Variants in EPHA3 observed in about 807,000 individuals in gnomAD.
EPHA3 encodes the protein EPH receptor A3.
Under a neutral mutation model 107.1 loss-of-function variants are expected in EPHA3, and 42 were observed. The observed-to-expected ratio is 0.39, with a 90% CI of 0.31 to 0.51. EPHA3 has a LOEUF of 0.51. Among genes scored for constraint, EPHA3 ranks in the 20% least tolerant of loss-of-function variants. EPHA3 has a pLI of 0.78. For synonymous variants in EPHA3, 461 were observed against 424.8 expected (o/e 1.09, Z -1.05); for missense variants, 1,183 against 1,211.2 (o/e 0.98, Z 0.35).
At chr3:89,345,001 T>A (rs1707610076) in intron 5 of EPHA3, among the ~76,000 whole-genome samples, 1 of 151,296 alleles carries the variant, frequency 6.6e-6, no homozygotes, top group East Asian at 1.9e-4. Context: ...AAAACAAAAA[T>A]CTTCAAACTT....
chr3:89,209,928 G>A lies in EPHA3; in HGVS notation c.222G>A (p.Met74Ile). 2 of 1,613,790 alleles carry A rather than the reference G, an allele frequency of 1.2e-6. No homozygotes were observed. Among genetic ancestry groups the A allele is most frequent in the Non-Finnish European group, 1.7e-6 (2 of 1,179,890 alleles). The change falls in exon 3 of 17, where the codon ATG (methionine) becomes ATA (isoleucine). Residue 74 changes from methionine (M) to isoleucine (I), a missense_variant. Met to Ile is a conservative substitution (Grantham distance 10, BLOSUM62 1). Coordinates refer to ENST00000336596, the MANE Select transcript of EPHA3 (RefSeq NM_005233.6). ...GGACTTACCAGGTGTGCAATGTCAT[G>A]GACCACAGTCAAAACAATTGGCTGA... ...PIRTYQVCNV[M>I]DHSQNNWLRT...
chr3:89,291,665 T>C (rs1050571065), intron 3 of EPHA3, among the ~76,000 whole-genome samples: 1 of 152,118 alleles, frequency 6.6e-6, no homozygotes, highest in African/African-American at 2.4e-5. Flanking sequence ...AGACTTACTA[T>C]TAAATTGCTA....
At position 89,157,096 on chromosome 3, in the gene EPHA3, G is replaced by T. The variant is rs1218915031; in HGVS notation, c.153+29823G>T. ...AAACTTTCACTGACAGTTCTGGTTTGCAGATATATAAGAATGAAATTGTGA... is the reference window on the plus strand; with the variant it reads ...AAACTTTCACTGACAGTTCTGGTTTTCAGATATATAAGAATGAAATTGTGA... On this transcript the variant is annotated intron_variant, in intron 2 of 16. Coordinates refer to ENST00000336596, the MANE Select transcript of EPHA3 (RefSeq NM_005233.6). Among the ~76,000 whole-genome samples the T allele has an allele frequency of 1.2e-4, 19 of 152,062 alleles. 1 individual carries two copies. The highest frequency in any genetic ancestry group is 4.3e-4 in the African/African-American group (18 of 41,498).
intron 3 of EPHA3, among the ~76,000 whole-genome samples, chr3:89,234,296 C>T (rs1704700844): frequency 6.6e-6 from 1 of 152,142 alleles, no homozygotes; most frequent in African/African-American, 2.4e-5. Context: ...TTTACTGGAA[C>T]CAAACATTCT....
intron 11 of EPHA3, among the ~76,000 whole-genome samples, chr3:89,424,477 C>T (rs1173512142): frequency 6.6e-6 from 1 of 151,122 alleles, no homozygotes; most frequent in Admixed American, 6.6e-5. Context: ...AAACAAAAAG[C>T]CTGTTGTTAT....
At chr3:89,315,355 C>CTA (rs147149147) in intron 3 of EPHA3, among the ~76,000 whole-genome samples, 5,347 of 151,730 alleles carry the variant, frequency 0.035, 328 homozygotes, top group African/African-American at 0.12. Flanking sequence ...TCTGAATCAA[C>CTA]TATAGTATGT....
chr3:89,440,457 A>T (rs371726899), intron 13 of EPHA3, among the ~76,000 whole-genome samples: 1 of 152,178 alleles, frequency 6.6e-6, no homozygotes, highest in East Asian at 1.9e-4. Context: ...CAGCTATGTG[A>T]TATTATGCCT....
At chr3:89,439,052 G>A (rs1709729666) in intron 13 of EPHA3, among the ~76,000 whole-genome samples, 1 of 152,220 alleles carries the variant, frequency 6.6e-6, no homozygotes, top group African/African-American at 2.4e-5. Context: ...AATGCAGGCA[G>A]TCTGTAGAGA....
At chr3:89,316,508 ATAT>A (rs1559644334) in intron 3 of EPHA3, among the ~76,000 whole-genome samples, 1,036 of 62,698 alleles carry the variant, frequency 0.017, 4 homozygotes, top group African/African-American at 0.05. Flanking sequence ...TGTGTGTAAT[ATAT>A]ATATATATAT....
At chr3:89,161,591 C>T (rs548836739) in intron 2 of EPHA3, among the ~76,000 whole-genome samples, 6 of 152,000 alleles carry the variant, frequency 3.9e-5, no homozygotes, top group East Asian at 1.9e-4. Context: ...TTTTTACTGA[C>T]GGGCAGTCAT....
chr3:89,367,064 C>T (rs540223120), intron 5 of EPHA3, among the ~76,000 whole-genome samples: 9 of 150,548 alleles, frequency 6.0e-5, no homozygotes, highest in South Asian at 2.1e-4. Flanking sequence ...TCTGCAGTTG[C>T]GTTTCCACCT....
At chr3:89,185,744 G>A (rs1478563359) in intron 2 of EPHA3, among the ~76,000 whole-genome samples, 1 of 151,878 alleles carries the variant, frequency 6.6e-6, no homozygotes, top group Non-Finnish European at 1.5e-5. Context: ...GAGCCTTCTT[G>A]GTTCACATAT....
Position 89,107,662 on chromosome 3 carries a change from C to A in EPHA3, c.-87C>A. Reference sequence around the variant, plus strand: ...TCAGCCTGCGAGCGGAGCATGGTAACTTCTCCAGCAATCAGAGCGCTCCCC... The same window carrying A: ...TCAGCCTGCGAGCGGAGCATGGTAAATTCTCCAGCAATCAGAGCGCTCCCC... On this transcript the variant is annotated 5_prime_UTR_variant, in exon 1 of 17. Transcript: ENST00000336596. The A allele has an allele frequency of 8.0e-7, 1 of 1,253,734 alleles. No individual in the cohort carries two copies. The allele number at this position is 1,253,734 out of a possible 1,614,324, so 77.7% of individuals were successfully genotyped here.
At chr3:89,246,244 G>C (rs1036182426) in intron 3 of EPHA3, among the ~76,000 whole-genome samples, 1 of 152,080 alleles carries the variant, frequency 6.6e-6, no homozygotes, top group Admixed American at 6.6e-5. Context: ...ATGGAAACTT[G>C]AAGTTTATAT....
chr3:89,318,329 TTA>T (rs1706958782), intron 3 of EPHA3, among the ~76,000 whole-genome samples: 1 of 151,890 alleles, frequency 6.6e-6, no homozygotes. Context: ...TTGTACTTTA[TTA>T]ACAGCTATCA....
chr3:89,372,379 G>A (rs73137347), intron 5 of EPHA3, among the ~76,000 whole-genome samples: 3,054 of 151,454 alleles, frequency 0.02, 54 homozygotes, highest in Non-Finnish European at 0.028. Context: ...TCATACTTAG[G>A]TTCAAGCCTT....
At chr3:89,365,328 G>A (rs1708166575) in intron 5 of EPHA3, among the ~76,000 whole-genome samples, 1 of 150,734 alleles carries the variant, frequency 6.6e-6, no homozygotes, top group Non-Finnish European at 1.5e-5. Flanking sequence ...AAGGGCAATG[G>A]TGGATGGAAT....
chr3:89,350,929 G>GGGGGTCA (rs1364948037), intron 5 of EPHA3, among the ~76,000 whole-genome samples: 1 of 151,378 alleles, frequency 6.6e-6, no homozygotes, highest in African/African-American at 2.4e-5. Context: ...TAGGCTGCTC[G>GGGGGTCA]GGGGTCAGGG....
intron 11 of EPHA3, among the ~76,000 whole-genome samples, chr3:89,427,302 T>C (rs1709476617): frequency 6.6e-6 from 1 of 151,898 alleles, no homozygotes. Context: ...ACCTTCATGA[T>C]GCTAACTCAT....
Sources: gnomAD v4.1 joint callset for allele counts (sites outside exome capture counted in the v4.1 genomes callset) on GRCh38, gnomAD v4.1.1 for gene constraint, MANE v1.5 for transcripts, NCBI Gene and HGNC (gene_info 2026-07-23, HGNC 2026-07-21) for gene names.